The following PARP10 variants were observed in gnomAD, a reference collection of about 807,000 sequenced individuals.
PARP10 encodes the protein protein mono-ADP-ribosyltransferase PARP10.
In PARP10, 56 loss-of-function variants were observed where a neutral mutation model predicts 82.4. The ratio of observed to expected loss-of-function variants is 0.68; its 90% CI spans 0.55 to 0.85. The LOEUF is 0.85. Among genes scored for constraint, PARP10 ranks in the 40% least tolerant of loss-of-function variants. The pLI, the probability that PARP10 is intolerant of heterozygous loss-of-function variation, is 0.00. For synonymous variants in PARP10, 576 were observed against 601.1 expected (o/e 0.96, Z 0.61); for missense variants, 1,227 against 1,379.4 (o/e 0.89, Z 1.75).
intron 1 of PARP10, among the ~76,000 whole-genome samples, chr8:143,998,538 A>G (rs1834178328): frequency 6.6e-6 from 1 of 152,266 alleles, no homozygotes; most frequent in Non-Finnish European, 1.5e-5. Flanking sequence ...AAACAGACCC[A>G]GAGGTGACTC....
upstream of PARP10, chr8:143,991,851 G>T: frequency 1.2e-6 from 2 of 1,610,080 alleles, no homozygotes; most frequent in Non-Finnish European, 1.7e-6. Flanking sequence ...GCTCCCAGCG[G>T]ATGACTCTGA....
intron 9 of PARP10, among the ~76,000 whole-genome samples, chr8:143,980,481 C>A (rs1833826105): frequency 5.3e-5 from 8 of 150,676 alleles, no homozygotes; most frequent in Admixed American, 5.3e-4. Context: ...GAGATCATGC[C>A]ACTGCACTCT....
chr8:144,006,851 G>A lies in PARP10; in HGVS notation c.-80+5679C>T, dbSNP rs543421959. Among the ~76,000 whole-genome samples the A allele has an allele frequency of 2.6e-5, 4 of 152,296 alleles. No homozygotes were observed. The South Asian group carries it at 8.3e-4, about 32-fold the overall frequency. ...TTGACCTTAGACTTCCCAGCCTCTA[G>A]AACCATGAAAAATCAATGTTTATTG... On this transcript the variant is annotated intron_variant, in intron 1 of 3. Transcript: ENST00000530478.
At chr8:143,994,216 G>A (rs140963146), upstream of PARP10, among the ~76,000 whole-genome samples, 546 of 152,320 alleles carry the variant, frequency 3.6e-3, 4 homozygotes, top group South Asian at 0.032. Context: ...CTCTGTGTAC[G>A]AAGCCAGCAC....
upstream of PARP10, chr8:143,992,414 GAGC>G: frequency 6.2e-7 from 1 of 1,612,856 alleles, no homozygotes. Context: ...CGCAGGGGCT[GAGC>G]AGCTTTCCCA....
At chr8:143,980,338 A>AAG (rs1833821973) in intron 9 of PARP10, among the ~76,000 whole-genome samples, 1 of 141,046 alleles carries the variant, frequency 7.1e-6, no homozygotes, top group South Asian at 2.1e-4. Context: ...AAAAAAAAAA[A>AAG]AAAAAAAAAA....
At chr8:143,992,549 A>T (rs781901549), upstream of PARP10, 2 of 1,613,992 alleles carry the variant, frequency 1.2e-6, no homozygotes, top group African/African-American at 1.3e-5. Flanking sequence ...CTGCATCTTC[A>T]TCCGGAACCG....
chr8:143,989,612 T>TA (rs1834054045), upstream of PARP10: 2 of 151,650 alleles, frequency 1.3e-5, no homozygotes, highest in South Asian at 4.2e-4. The surrounding 1 kb of genome is among the most constrained non-coding windows in gnomAD (Gnocchi z 4.3). Flanking sequence ...ATTAAAAAAA[T>TA]AAAAAAGGGT....
In PARP10 at chr8:143,985,774, C is replaced by T. The variant is rs1554749174; in HGVS notation, c.383G>A (p.Ser128Asn). 1 of 1,611,342 alleles carries T rather than the reference C, an allele frequency of 6.2e-7. No homozygotes were observed. The highest frequency in any genetic ancestry group is 8.5e-7 in the Non-Finnish European group (1 of 1,178,846). Residue 128 changes from serine (S) to asparagine (N), a missense_variant, in exon 3 of 11, where the codon AGC becomes AAC. Transcript: ENST00000313028. ...GACCAGAGCCCGGTCTGGCCGGGGG[C>T]TGGCCAAGGCACAGCAAGGCTGTAC... ...LPVQPCCALASPRPDRALVQL... is the reference protein window; with the variant it reads ...LPVQPCCALANPRPDRALVQL...
In PARP10 at chr8:143,984,636, G is replaced by A. The variant is rs781879563; in HGVS notation, c.1366C>T (p.Arg456Cys). The change falls in exon 5 of 11, where the codon CGC becomes TGC. Residue 456 changes from arginine (R) to cysteine (C), a missense_variant. Arg to Cys is a radical substitution (Grantham distance 180). Transcript: ENST00000313028. ...TCCTCATGGTAGAGCTGCAGGAAGC[G>A]CATCGCCCCTGGCTCCATCAATAGC... ...MVLLMEPGAM[R>C]FLQLYHEDLL... 25 of 1,613,910 alleles carry A rather than the reference G, an allele frequency of 1.5e-5. No individual in the cohort carries two copies. Among genetic ancestry groups the A allele is most frequent in the East Asian group, 2.2e-5 (1 of 44,898 alleles).
At chr8:143,990,966 C>T (rs1276090096), upstream of PARP10, 3 of 287,000 alleles carry the variant, frequency 1.0e-5, no homozygotes, top group Non-Finnish European at 1.3e-5. This position sits in a 1 kb window ranked among gnomAD's most constrained non-coding sequence, Gnocchi z 5.6. Context: ...CGCCCGGCCC[C>T]TCCCCCACCC....
chr8:143,984,210 C>G lies in PARP10; in HGVS notation c.1680G>C (p.Glu560Asp). 5 of 1,611,578 alleles carry G rather than the reference C, an allele frequency of 3.1e-6. No homozygotes were observed. The highest frequency in any genetic ancestry group is 4.2e-6 in the Non-Finnish European group (5 of 1,178,050). Residue 560 changes from glutamate (E) to aspartate (D), a missense_variant and splice_region_variant, in exon 6 of 11, where the codon GAG becomes GAC. Physicochemically the swap from Glu to Asp is conservative, Grantham distance 45. Transcript: ENST00000313028. The stretch of plus-strand genomic sequence containing the variant: ...GGCAGGGGTGGGACTCCATCTCTAC[C>G]TCTTCAAGGCCTGTGTCCAACGTGG... ...ATATLDTGLE[E>D]VDPTEALPVL...
Position 143,977,525 on chromosome 8 carries a change from C to G in PARP10, c.3037G>C (p.Asp1013His). The G allele has an allele frequency of 1.9e-6, 3 of 1,560,036 alleles. No homozygotes were observed. Among genetic ancestry groups the G allele is most frequent in the East Asian group, 2.4e-5 (1 of 41,852 alleles). The change falls in exon 11 of 11, where the codon GAC (aspartate) becomes CAC (histidine). Residue 1013 changes from aspartate to histidine, a missense_variant. Coordinates refer to ENST00000313028, the MANE Select transcript of PARP10 (RefSeq NM_032789.5). ...TCEHVPRASP[D>H]DPSGLPGRSP... ...CGGCCCGGGAGCCCAGAGGGGTCGT[C>G]GGGGGAAGCGCGGGGCACGTGCTCG...
intron 1 of PARP10, among the ~76,000 whole-genome samples, chr8:144,006,196 G>A (rs1035433484): frequency 2.0e-5 from 3 of 152,232 alleles, no homozygotes; most frequent in African/African-American, 4.8e-5. Flanking sequence ...TGCGGGACCC[G>A]TGATGTGCCT....
At chr8:144,000,424 G>C (rs1201775063) in intron 1 of PARP10, among the ~76,000 whole-genome samples, 1 of 152,188 alleles carries the variant, frequency 6.6e-6, no homozygotes, top group Non-Finnish European at 1.5e-5. Flanking sequence ...TAGCACCTGA[G>C]GGAGCAAGGC....
chr8:144,006,853 A>G (rs938942715), intron 1 of PARP10, among the ~76,000 whole-genome samples: 1 of 152,194 alleles, frequency 6.6e-6, no homozygotes, highest in African/African-American at 2.4e-5. Context: ...AGCCTCTAGA[A>G]CCATGAAAAA....
Position 143,984,940 on chromosome 8 carries a change from C to T in PARP10, c.1062G>A (p.Met354Ile), listed in dbSNP as rs1554748854. The T allele has an allele frequency of 1.2e-6, 2 of 1,614,048 alleles. No homozygotes were observed. Among genetic ancestry groups the T allele is most frequent in the Admixed American group, 1.7e-5 (1 of 60,024 alleles). Residue 354 changes from methionine to isoleucine, a missense_variant, in exon 5 of 11, where the codon ATG (methionine) becomes ATA (isoleucine). Coordinates refer to ENST00000313028, the MANE Select transcript of PARP10 (RefSeq NM_032789.5). ...GQAEQVSSMP[M>I]GSLEHEGLVS... ...CCAGCCCCTCATGTTCCAGAGACCC[C>T]ATGGGCATCGAGCTGACTTGCTCTG...
chr8:143,992,631 C>T (rs782392315), upstream of PARP10: 5 of 1,614,016 alleles, frequency 3.1e-6, no homozygotes, highest in Non-Finnish European at 2.5e-6. Context: ...TGACCTTGGC[C>T]GGGGGCGGGA....
chr8:143,978,009 C>T lies in PARP10; in HGVS notation c.2629G>A (p.Glu877Lys), dbSNP rs782213808. 3.1e-6 allele frequency: 5 copies of T among 1,588,028 alleles called. No homozygotes were observed. Among genetic ancestry groups the T allele is most frequent in the South Asian group, 1.1e-5 (1 of 89,668 alleles). The change falls in exon 10 of 11, where the codon GAG becomes AAG. Residue 877 changes from glutamate (E) to lysine (K), a missense_variant. By Grantham distance (56) the Glu-to-Lys change is moderately conservative. Transcript: ENST00000313028. ...LYRERLLQRC[E>K]RRPVEQVLYH... Reference sequence around the variant, plus strand: ...AGCACCTGCTCCACCGGGCGCCGCTCGCATCGCTGCAGCAGGCGCTCCCGG... The same window carrying T: ...AGCACCTGCTCCACCGGGCGCCGCTTGCATCGCTGCAGCAGGCGCTCCCGG...
Sources: gnomAD v4.1 joint callset for allele counts (sites outside exome capture counted in the v4.1 genomes callset) on GRCh38, gnomAD v4.1.1 for gene constraint, Gnocchi (gnomAD v3.1) non-coding constraint, MANE v1.5 for transcripts, NCBI Gene and HGNC (gene_info 2026-07-23, HGNC 2026-07-21) for gene names.